Variants in SHISAL1 observed in about 807,000 individuals in gnomAD.
The protein encoded by SHISAL1 is shisa like 1, also known as protein shisa-like-1.
Under a neutral mutation model 22.6 loss-of-function variants are expected in SHISAL1, and 9 were observed. The observed-to-expected ratio is 0.40, with a 90% CI of 0.24 to 0.70. The LOEUF is 0.70. Ranked by LOEUF, SHISAL1 falls within the 30% of genes least tolerant of loss-of-function variation. SHISAL1 has a pLI of 0.39. For missense variants in SHISAL1, 246 were observed against 270.6 expected, an observed-to-expected ratio of 0.91 and a Z score of 0.64; for synonymous variants, 119 against 115.4, an observed-to-expected ratio of 1.03 and a Z score of -0.20.
intron 4 of SHISAL1, among the ~76,000 whole-genome samples, chr22:44,284,354 G>C (rs1331280071): frequency 1.3e-5 from 2 of 152,040 alleles, no homozygotes; most frequent in African/African-American, 4.8e-5. Flanking sequence ...AAGGTTAAGA[G>C]GGGTGAAATC....
Position 44,249,466 on chromosome 22 carries a change from C to G in SHISAL1, c.*219G>C. The G allele has an allele frequency of 2.0e-6, 1 of 512,388 alleles. No homozygotes were observed. Among genetic ancestry groups the G allele is most frequent in the East Asian group, 3.3e-5 (1 of 30,546 alleles). 31.7% of individuals were successfully genotyped at this position (512,388 alleles called of 1,614,324 possible). A position where few individuals can be genotyped will look rare whatever the true frequency, so the allele number is the denominator to read the frequency against. ...GACTATTGCTTGCGGACAGGTGGCT[C>G]AGAATCCCCTCCCCTGCACCCCCAG... On this transcript the variant is annotated 3_prime_UTR_variant, in exon 5 of 5. Transcript: ENST00000381176.
In SHISAL1 at chr22:44,310,197, C is replaced by T. The variant is rs573228498; in HGVS notation, c.-33+2554G>A. 1.6e-4 allele frequency among the ~76,000 whole-genome samples: 25 copies of T among 152,330 alleles called. No homozygotes were observed. The highest frequency in any genetic ancestry group is 2.9e-4 in the Non-Finnish European group (20 of 68,036). On this transcript the variant is annotated intron_variant, in intron 1 of 4. Transcript: ENST00000381176. The surrounding 1 kb of genome is among the most constrained non-coding windows in gnomAD (Gnocchi z 4.0). ...ATCCCCGAACCCAGCCCTGCTGAGACCATTTCGTTTTTGCTCATCTCTATG... is the reference window on the plus strand; with the variant it reads ...ATCCCCGAACCCAGCCCTGCTGAGATCATTTCGTTTTTGCTCATCTCTATG...
At chr22:44,316,590 A>G (rs992219145), upstream of SHISAL1, among the ~76,000 whole-genome samples, 3 of 152,118 alleles carry the variant, frequency 2.0e-5, no homozygotes, top group Admixed American at 1.3e-4. Context: ...TTCCAATAAA[A>G]CTTTATTCAC....
the SHISAL1 span, among the ~76,000 whole-genome samples, chr22:44,327,240 G>GTGCACACA: frequency 5.7e-4 from 82 of 145,014 alleles, no homozygotes; most frequent in African/African-American, 1.9e-3. Flanking sequence ...TGGGGGGCGC[G>GTGCACACA]CACACACACA....
chr22:44,307,252 T>G (rs1019201783), intron 1 of SHISAL1, among the ~76,000 whole-genome samples: 1 of 151,902 alleles, frequency 6.6e-6, no homozygotes, highest in Non-Finnish European at 1.5e-5. Context: ...ACTCGCAGAG[T>G]TCTTGGTGCA....
At chr22:44,265,932 C>G (rs1366607227) in intron 4 of SHISAL1, among the ~76,000 whole-genome samples, 1 of 152,190 alleles carries the variant, frequency 6.6e-6, no homozygotes, top group South Asian at 2.1e-4. Context: ...TGGCACCAGT[C>G]CCATCCTTCA....
chr22:44,311,393 AC>A (rs1231939704), intron 1 of SHISAL1, among the ~76,000 whole-genome samples: 1 of 152,178 alleles, frequency 6.6e-6, no homozygotes, highest in East Asian at 1.9e-4. Flanking sequence ...TCAGTGGATA[AC>A]CATTCCAGTG....
At chr22:44,292,080 T>C (rs988226618) in intron 3 of SHISAL1, among the ~76,000 whole-genome samples, 2 of 152,172 alleles carry the variant, frequency 1.3e-5, no homozygotes, top group African/African-American at 4.8e-5. Context: ...AAACAAACCA[T>C]TCTGTTCCTC....
intron 4 of SHISAL1, among the ~76,000 whole-genome samples, chr22:44,278,606 G>A (rs1205276528): frequency 2.0e-5 from 3 of 152,198 alleles, no homozygotes; most frequent in Admixed American, 1.3e-4. Context: ...CCGGGTGAAC[G>A]GGCCTCTCCA....
upstream of SHISAL1, among the ~76,000 whole-genome samples, chr22:44,314,685 G>A (rs748988616): frequency 2.0e-5 from 3 of 152,140 alleles, no homozygotes; most frequent in South Asian, 6.2e-4. Flanking sequence ...CAGCAACTGT[G>A]GGGGAGGAAA....
chr22:44,268,716 T>A (rs1318053816), intron 4 of SHISAL1, among the ~76,000 whole-genome samples: 1 of 151,980 alleles, frequency 6.6e-6, no homozygotes, highest in African/African-American at 2.4e-5. Context: ...TCAGCGACGT[T>A]TTGAGGAATG....
intron 3 of SHISAL1, among the ~76,000 whole-genome samples, chr22:44,292,654 C>T (rs1221286548): frequency 6.6e-6 from 1 of 152,194 alleles, no homozygotes; most frequent in Non-Finnish European, 1.5e-5. Flanking sequence ...CCAGCCCATC[C>T]AATGACCCAG....
chr22:44,311,376 C>A (rs1039847091), intron 1 of SHISAL1, among the ~76,000 whole-genome samples: 5 of 152,220 alleles, frequency 3.3e-5, no homozygotes, highest in African/African-American at 1.2e-4. Context: ...CTCCCCAGAT[C>A]CCTCCCTCAG....
chr22:44,264,805 A>T lies in SHISAL1; in HGVS notation c.*-15120T>A, dbSNP rs531499748. Among the ~76,000 whole-genome samples the T allele has an allele frequency of 2.0e-5, 3 of 152,048 alleles. No individual in the cohort carries two copies. In the South Asian group the frequency reaches 6.3e-4, roughly 32 times the overall value. Reference sequence around the variant, plus strand: ...ACACCACAGCCCCCAGCAATTCACAAGCCATGTGACCTTGGACGAGGTCCC... The same window carrying T: ...ACACCACAGCCCCCAGCAATTCACATGCCATGTGACCTTGGACGAGGTCCC... On this transcript the variant is annotated intron_variant, in intron 4 of 4. Transcript: ENST00000381176.
rs112467744 is a variant in SHISAL1, at chr22:44,283,701, G to A, written c.599+1727C>T. On this transcript the variant is annotated intron_variant, in intron 4 of 4. Transcript: ENST00000381176. Reference sequence around the variant, plus strand: ...AAATGTATGTGCATGCAAAAGGTGCGGGAGTGGGGGAGGACCACCGTTTTA... The same window carrying A: ...AAATGTATGTGCATGCAAAAGGTGCAGGAGTGGGGGAGGACCACCGTTTTA... Among the ~76,000 whole-genome samples, 79 of 152,238 alleles carry A rather than the reference G, an allele frequency of 5.2e-4. 1 individual carries two copies. Among genetic ancestry groups the A allele is most frequent in the Non-Finnish European group, 7.6e-4 (52 of 68,016 alleles).
At chr22:44,301,221 AG>A (rs768628190) in intron 1 of SHISAL1, among the ~76,000 whole-genome samples, 5 of 152,186 alleles carry the variant, frequency 3.3e-5, no homozygotes, top group South Asian at 2.1e-4. Flanking sequence ...TAATCAAAGG[AG>A]GACGGATGGC....
intron 4 of SHISAL1, among the ~76,000 whole-genome samples, chr22:44,282,846 G>A (rs9614419): frequency 0.18 from 27,197 of 152,054 alleles, 2,478 homozygotes; most frequent in South Asian, 0.24. Context: ...GCCGCAGAGG[G>A]CGTTTGTAAT....
At position 44,247,691 on chromosome 22, in the gene SHISAL1, T is replaced by G. The variant is rs2055013576; in HGVS notation, c.*1994A>C. The G allele has an allele frequency of 6.6e-6, 1 of 152,272 alleles. No homozygotes were observed. Among genetic ancestry groups the G allele is most frequent in the South Asian group, 2.1e-4 (1 of 4,834 alleles). 9.4% of individuals were successfully genotyped at this position (152,272 alleles called of 1,614,324 possible). A position where few individuals can be genotyped will look rare whatever the true frequency, so the allele number is the denominator to read the frequency against. ...TCCATAAAATGGGGAGAGCCCCTTC[T>G]TCATGGGGCTGTTGAGAGGATGGAC... On this transcript the variant is annotated 3_prime_UTR_variant, in exon 5 of 5. Transcript: ENST00000381176.
At chr22:44,307,770 G>T (rs1030570221) in intron 1 of SHISAL1, among the ~76,000 whole-genome samples, 4 of 152,210 alleles carry the variant, frequency 2.6e-5, no homozygotes, top group African/African-American at 9.7e-5. Context: ...AGGAAGGAGG[G>T]CACGTGAAGA....
Sources: gnomAD v4.1 joint callset for allele counts (sites outside exome capture counted in the v4.1 genomes callset) on GRCh38, gnomAD v4.1.1 for gene constraint, Gnocchi (gnomAD v3.1) non-coding constraint, MANE v1.5 for transcripts, NCBI Gene and HGNC (gene_info 2026-07-23, HGNC 2026-07-21) for gene names.